Variants in MAP2K6 observed in about 807,000 individuals in gnomAD.
MAP2K6 encodes the protein mitogen-activated protein kinase kinase 6.
In MAP2K6, 16 loss-of-function variants were observed where a neutral mutation model predicts 53.7. The ratio of observed to expected loss-of-function variants is 0.30; its 90% CI spans 0.20 to 0.45. The LOEUF (loss-of-function observed/expected upper bound fraction) is 0.45, where lower values mean the gene tolerates loss of function less well. Among genes scored for constraint, MAP2K6 ranks in the 20% least tolerant of loss-of-function variants. The probability of loss-of-function intolerance (pLI) is 1.00; values close to 1 mark genes in which losing one functional copy is unlikely to be tolerated. For synonymous variants in MAP2K6, 132 were observed against 143.1 expected, an observed-to-expected ratio of 0.92 and a Z score of 0.55; for missense variants, 204 against 411.9, an observed-to-expected ratio of 0.50 and a Z score of 4.37.
At chr17:69,490,736 C>T (rs1278106148) in intron 1 of MAP2K6, among the ~76,000 whole-genome samples, 1 of 151,400 alleles carries the variant, frequency 6.6e-6, no homozygotes, top group Non-Finnish European at 1.5e-5. Flanking sequence ...TTTTGTTTTA[C>T]GTTCAGGGGT....
Position 69,536,157 on chromosome 17 carries a change from A to G in MAP2K6, c.924A>G (p.Leu308=), listed in dbSNP as rs796905848. Reference sequence around the variant, plus strand: ...AAGAACGGCCTACATACCCAGAGCTAATGGTGAGTATTGTTAGCAACGTAA... The same window carrying G: ...AAGAACGGCCTACATACCCAGAGCTGATGGTGAGTATTGTTAGCAACGTAA... ...NSKERPTYPE[L]MQHPFFTLHE... is the part of the protein sequence containing the mutation. The change falls in exon 11 of 12, where the codon CTA becomes CTG. Residue 308 remains leucine (L), a synonymous_variant. Coordinates refer to ENST00000590474, the MANE Select transcript of MAP2K6 (RefSeq NM_002758.4). 5 of 1,610,872 alleles carry G rather than the reference A, an allele frequency of 3.1e-6. No homozygotes were observed. The highest frequency in any genetic ancestry group is 1.1e-5 in the South Asian group (1 of 90,680).
chr17:69,531,282 G>A (rs758299067), intron 10 of MAP2K6, among the ~76,000 whole-genome samples: 6 of 152,112 alleles, frequency 3.9e-5, no homozygotes, highest in Non-Finnish European at 8.8e-5. Flanking sequence ...CCGCAGCCTA[G>A]GTAACTGTCA....
chr17:69,420,177 AT>A lies in MAP2K6; in HGVS notation c.16+5179del, dbSNP rs544984514. On this transcript the variant is annotated intron_variant, in intron 1 of 11. Transcript: ENST00000590474. ...ATAATAAGAAAAATGTAGTGATCTG[AT>A]TAAATTCCAGTCTGAGAAATAGCTT... Among the ~76,000 whole-genome samples the A allele has an allele frequency of 3.1e-3, 476 of 152,304 alleles. 2 individuals carry two copies. The highest frequency in any genetic ancestry group is 4.7e-3 in the Non-Finnish European group (318 of 68,028).
chr17:69,481,725 A>C (rs762014769), intron 1 of MAP2K6, among the ~76,000 whole-genome samples: 6 of 152,064 alleles, frequency 3.9e-5, no homozygotes, highest in Non-Finnish European at 4.4e-5. Context: ...TTTCCTCTTC[A>C]TATAAGGACA....
At position 69,551,397 on chromosome 17, in the gene MAP2K6, G is replaced by A. The variant is rs896815957; in HGVS notation, c.*9644G>A. 2 of 152,212 alleles carry A rather than the reference G, an allele frequency of 1.3e-5. No homozygotes were observed. The highest frequency in any genetic ancestry group is 6.5e-5 in the Admixed American group (1 of 15,276). 9.4% of individuals were successfully genotyped at this position (152,212 alleles called of 1,614,324 possible). A position where few individuals can be genotyped will look rare whatever the true frequency, so the allele number is the denominator to read the frequency against. On this transcript the variant is annotated 3_prime_UTR_variant, in exon 12 of 12. Coordinates refer to ENST00000590474, the MANE Select transcript of MAP2K6 (RefSeq NM_002758.4). ...TGTATCTGTCATGAACTGCACACAA[G>A]GGAATGCTTAAACACCAGCTGAGTC...
In MAP2K6 at chr17:69,521,064, G is replaced by C; in HGVS notation, c.499G>C (p.Glu167Gln). The C allele has an allele frequency of 6.2e-7, 1 of 1,606,882 alleles. No individual in the cohort carries two copies. Among genetic ancestry groups the C allele is most frequent in the African/African-American group, 1.3e-5 (1 of 74,670 alleles). ...TCTCTTGCAGATTGTAAAAGCATTA[G>C]AACATTTACATAGTAAGCTGTCTGT... ...KIAVSIVKAL[E>Q]HLHSKLSVIH... Residue 167 changes from glutamate (E) to glutamine (Q), a missense_variant, in exon 7 of 12, where the codon GAA (glutamate) becomes CAA (glutamine). This residue lies in a region of MAP2K6 where 129 missense variants were observed against 247.1 expected (regional missense o/e 0.52). Transcript: ENST00000590474.
rs1941323999 is a variant in MAP2K6, at chr17:69,546,773, T to C, written c.*5020T>C. 6.6e-6 allele frequency: 1 copy of C among 152,226 alleles called. No individual in the cohort carries two copies. Among genetic ancestry groups the C allele is most frequent in the African/African-American group, 2.4e-5 (1 of 41,464 alleles). The allele number at this position is 152,226 out of a possible 1,614,324, so 9.4% of individuals were successfully genotyped here. On this transcript the variant is annotated 3_prime_UTR_variant, in exon 12 of 12. Coordinates refer to ENST00000590474, the MANE Select transcript of MAP2K6 (RefSeq NM_002758.4). The stretch of plus-strand genomic sequence containing the variant: ...TATCTATGACTTGAAGAGGGATTTG[T>C]TGGCTCAAAGGATCTTCTGCTTTTA...
chr17:69,525,852 A>G (rs1910744662), intron 9 of MAP2K6, among the ~76,000 whole-genome samples: 1 of 152,240 alleles, frequency 6.6e-6, no homozygotes, highest in Non-Finnish European at 1.5e-5. Flanking sequence ...TCAATACATG[A>G]TAACCAATAG....
At chr17:69,500,186 T>C (rs922666539) in intron 1 of MAP2K6, among the ~76,000 whole-genome samples, 8 of 151,882 alleles carry the variant, frequency 5.3e-5, no homozygotes, top group African/African-American at 1.9e-4. Flanking sequence ...GTAATCCCAG[T>C]AACAGCACTT....
At chr17:69,487,755 T>A (rs117304531) in intron 1 of MAP2K6, among the ~76,000 whole-genome samples, 1 of 152,224 alleles carries the variant, frequency 6.6e-6, no homozygotes, top group Non-Finnish European at 1.5e-5. Context: ...TTTAAAATCA[T>A]CTGACTTTGT....
intron 1 of MAP2K6, among the ~76,000 whole-genome samples, chr17:69,454,208 A>G (rs766127844): frequency 3.9e-5 from 6 of 152,180 alleles, no homozygotes; most frequent in Non-Finnish European, 8.8e-5. Context: ...CGCTTCCTCC[A>G]TCAGTGAGTG....
intron 1 of MAP2K6, among the ~76,000 whole-genome samples, chr17:69,430,964 C>T (rs1370517338): frequency 2.6e-5 from 4 of 152,148 alleles, no homozygotes; most frequent in Non-Finnish European, 4.4e-5. Context: ...GCATTTGGCC[C>T]GTATCAAGAA....
intron 1 of MAP2K6, 78 bp downstream of exon 1, chr17:69,415,078 C>G: frequency 7.3e-7 from 1 of 1,377,108 alleles, no homozygotes; most frequent in Non-Finnish European, 1.0e-6. Flanking sequence ...GCAATTTTCG[C>G]CTGGCGAGTG....
chr17:69,455,232 C>G (rs1360736131), intron 1 of MAP2K6, among the ~76,000 whole-genome samples: 1 of 152,100 alleles, frequency 6.6e-6, no homozygotes, highest in Non-Finnish European at 1.5e-5. Flanking sequence ...AAACACCCAA[C>G]AAAAGTGGTT....
rs936358917 is a variant in MAP2K6, at chr17:69,549,485, A to C, written c.*7732A>C. On this transcript the variant is annotated 3_prime_UTR_variant, in exon 12 of 12. Transcript: ENST00000590474. ...TGCTTGTTATTTCTCTGCCGGTCACAGATGACCTGGACTGACTGAATGCTT... is the reference window on the plus strand; with the variant it reads ...TGCTTGTTATTTCTCTGCCGGTCACCGATGACCTGGACTGACTGAATGCTT... 2 of 152,200 alleles carry C rather than the reference A, an allele frequency of 1.3e-5. No homozygotes were observed. Among genetic ancestry groups the C allele is most frequent in the African/African-American group, 4.8e-5 (2 of 41,448 alleles). 9.4% of individuals were successfully genotyped at this position (152,200 alleles called of 1,614,324 possible). A position where few individuals can be genotyped will look rare whatever the true frequency, so the allele number is the denominator to read the frequency against.
chr17:69,446,981 T>C (rs985328172), intron 1 of MAP2K6, among the ~76,000 whole-genome samples: 47 of 149,396 alleles, frequency 3.1e-4, no homozygotes, highest in Non-Finnish European at 6.0e-4. Context: ...TGTTTCTTTT[T>C]TTTTTTTTTT....
chr17:69,542,523 G>T lies in MAP2K6; in HGVS notation c.*770G>T, dbSNP rs1911688999. ...AAAGAGTAAAACATTTGGTTCTTCT[G>T]ACACTTGTGGTATAGTATTAGTGGA... On this transcript the variant is annotated 3_prime_UTR_variant, in exon 12 of 12. Transcript: ENST00000590474. The T allele has an allele frequency of 6.6e-6, 1 of 152,252 alleles. No individual in the cohort carries two copies. The allele number at this position is 152,252 out of a possible 1,614,324, so 9.4% of individuals were successfully genotyped here.
intron 1 of MAP2K6, among the ~76,000 whole-genome samples, chr17:69,488,206 CAG>C (rs1372032171): frequency 2.0e-5 from 3 of 152,096 alleles, no homozygotes; most frequent in Non-Finnish European, 4.4e-5. Context: ...CACTAATCAT[CAG>C]AGAAATGCAA....
chr17:69,535,938 G>A, intron 10 of MAP2K6, 177 bp from the exon 11 acceptor site: 1 of 557,430 alleles, frequency 1.8e-6, no homozygotes, highest in Non-Finnish European at 3.2e-6. Context: ...GGCACAACCA[G>A]GGTGATTTAA....
Sources: allele counts gnomAD v4.1 joint callset (sites outside exome capture counted in the v4.1 genomes callset), GRCh38; gene constraint gnomAD v4.1.1; regional missense constraint gnomAD v4.1.1; transcripts MANE v1.5; gene names NCBI Gene and HGNC (gene_info 2026-07-23, HGNC 2026-07-21).